Variants in RETREG1 observed in about 807,000 individuals in gnomAD.
The protein encoded by RETREG1 is reticulophagy regulator 1, also known as family with sequence similarity 134 member B.
In RETREG1, 44 loss-of-function variants were observed where a neutral mutation model predicts 54.8. The ratio of observed to expected loss-of-function variants is 0.80; its 90% CI spans 0.63 to 1.03. The LOEUF (loss-of-function observed/expected upper bound fraction) is 1.03. Among genes scored for constraint, RETREG1 ranks in the 50% least tolerant of loss-of-function variants. The probability of loss-of-function intolerance (pLI) is 0.00; values close to 1 mark genes in which losing one functional copy is unlikely to be tolerated. For synonymous variants in RETREG1, 217 were observed against 238.5 expected, an observed-to-expected ratio of 0.91 and a Z score of 0.83; for missense variants, 554 against 605.1, an observed-to-expected ratio of 0.92 and a Z score of 0.89.
chr5:16,547,221 G>A (rs1741414031), intron 3 of RETREG1, among the ~76,000 whole-genome samples: 1 of 152,204 alleles, frequency 6.6e-6, no homozygotes, highest in South Asian at 2.1e-4. Flanking sequence ...CCGACAGGGT[G>A]ACTGTGGAAA....
intron 3 of RETREG1, among the ~76,000 whole-genome samples, chr5:16,545,265 C>T (rs1741354193): frequency 6.6e-6 from 1 of 152,176 alleles, no homozygotes; most frequent in Non-Finnish European, 1.5e-5. Context: ...AATTCCTAAC[C>T]ATACCTTTAT....
chr5:16,537,163 A>C (rs1741097627), intron 3 of RETREG1, among the ~76,000 whole-genome samples: 1 of 152,238 alleles, frequency 6.6e-6, no homozygotes, highest in Non-Finnish European at 1.5e-5. Context: ...CACCAAGCAC[A>C]TAATAGGTTT....
intron 3 of RETREG1, among the ~76,000 whole-genome samples, chr5:16,509,713 G>GT (rs1235245254): frequency 2.0e-4 from 31 of 152,158 alleles, no homozygotes; most frequent in African/African-American, 7.0e-4. Context: ...TTCAAAATGT[G>GT]TTGCCAGGTG....
At chr5:16,519,944 G>A (rs950244761) in intron 3 of RETREG1, among the ~76,000 whole-genome samples, 3 of 152,220 alleles carry the variant, frequency 2.0e-5, no homozygotes, top group Admixed American at 2.0e-4. Flanking sequence ...ACTTTGGCCA[G>A]CGAGAGCTTC....
intron 1 of RETREG1, among the ~76,000 whole-genome samples, chr5:16,572,397 G>A (rs1284075461): frequency 6.6e-6 from 1 of 151,992 alleles, no homozygotes; most frequent in Non-Finnish European, 1.5e-5. Flanking sequence ...ATTTTTAGTA[G>A]AGACAGGGTT....
At position 16,616,951 on chromosome 5, in the gene RETREG1, C is replaced by G; in HGVS notation, c.21G>C (p.Pro7=). ...CCGGGCATCCCTCCTCGGCGTGCTC[C>G]GGAGGCGCCGGGCTCGCCATCTTCA... MASPAP[P]EHAEEGCPAP... The change falls in exon 1 of 9, where the codon CCG becomes CCC. Residue 7 remains proline (P), a synonymous_variant. Transcript: ENST00000306320. The G allele has an allele frequency of 6.9e-7, 1 of 1,444,378 alleles. No homozygotes were observed. Among genetic ancestry groups the G allele is most frequent in the Non-Finnish European group, 9.1e-7 (1 of 1,103,606 alleles). 89.5% of individuals were successfully genotyped at this position (1,444,378 alleles called of 1,614,324 possible). A position where few individuals can be genotyped will look rare whatever the true frequency, so the allele number is the denominator to read the frequency against.
At chr5:16,514,829 A>G (rs1366056131) in intron 3 of RETREG1, among the ~76,000 whole-genome samples, 2 of 151,418 alleles carry the variant, frequency 1.3e-5, no homozygotes, top group African/African-American at 4.8e-5. Flanking sequence ...AACGGTCTCC[A>G]ACTCCATCCA....
chr5:16,545,149 C>T (rs983794532), intron 3 of RETREG1, among the ~76,000 whole-genome samples: 1 of 152,208 alleles, frequency 6.6e-6, no homozygotes, highest in African/African-American at 2.4e-5. Context: ...ATCAGGGCTA[C>T]TTCCAGCTCG....
intron 3 of RETREG1, among the ~76,000 whole-genome samples, chr5:16,516,414 A>C (rs1740356994): frequency 6.6e-6 from 1 of 152,218 alleles, no homozygotes; most frequent in Non-Finnish European, 1.5e-5. Flanking sequence ...CTTTCTAAAA[A>C]TGTTGTCTGT....
chr5:16,599,951 G>T (rs1355638185), intron 1 of RETREG1, among the ~76,000 whole-genome samples: 1 of 152,162 alleles, frequency 6.6e-6, no homozygotes, highest in Non-Finnish European at 1.5e-5. Flanking sequence ...GCCCCCAAAA[G>T]CACGTCCCCC....
chr5:16,498,645 G>A (rs767572183), intron 3 of RETREG1, among the ~76,000 whole-genome samples: 7 of 152,100 alleles, frequency 4.6e-5, no homozygotes, highest in South Asian at 2.1e-4. Flanking sequence ...CCAGGAGGTC[G>A]AGGCTGCAGT....
intron 3 of RETREG1, among the ~76,000 whole-genome samples, chr5:16,492,229 T>TCACA (rs879805653): frequency 1.1e-3 from 120 of 110,600 alleles, no homozygotes; most frequent in South Asian, 2.3e-3. Context: ...TCTCTCTCTC[T>TCACA]CACACACACA....
rs1738470048 is a variant in RETREG1 at position 16,475,045 on chromosome 5, G to C, written c.1190C>G (p.Thr397Ser). 6.2e-7 allele frequency: 1 copy of C among 1,613,802 alleles called. No individual in the cohort carries two copies. Among genetic ancestry groups the C allele is most frequent in the Non-Finnish European group, 8.5e-7 (1 of 1,179,928 alleles). Residue 397 changes from threonine (T) to serine (S), a missense_variant, in exon 9 of 9, where the codon ACC (threonine) becomes AGC (serine). Transcript: ENST00000306320. The stretch of plus-strand genomic sequence containing the variant: ...GGTTTGGTCACTGTTCAGAGGAAGG[G>C]TGAGACCAGCTGCTGATTGCGTCTC... ...SKETQSAAGL[T>S]LPLNSDQTFH...
intron 1 of RETREG1, among the ~76,000 whole-genome samples, chr5:16,573,857 G>T (rs1742258907): frequency 1.3e-5 from 2 of 148,426 alleles, no homozygotes; most frequent in Admixed American, 1.4e-4. Flanking sequence ...CAATTCTCCT[G>T]CCTCAGCCGC....
intron 1 of RETREG1, among the ~76,000 whole-genome samples, chr5:16,598,795 G>A (rs1194543483): frequency 1.3e-5 from 2 of 152,146 alleles, no homozygotes; most frequent in Non-Finnish European, 2.9e-5. Flanking sequence ...TACAGTTAAA[G>A]TTCAATGTCA....
intron 3 of RETREG1, among the ~76,000 whole-genome samples, chr5:16,503,342 C>T (rs901287646): frequency 6.6e-6 from 1 of 152,080 alleles, no homozygotes; most frequent in Admixed American, 6.6e-5. Flanking sequence ...GAGACATTTT[C>T]CATGACTATG....
intron 3 of RETREG1, among the ~76,000 whole-genome samples, chr5:16,547,456 C>T (rs994001547): frequency 3.3e-5 from 5 of 152,326 alleles, no homozygotes; most frequent in Admixed American, 6.5e-5. Context: ...CAACCATCTT[C>T]CCGCAGAGCC....
At position 16,521,867 on chromosome 5, in the gene RETREG1, T is replaced by A. The variant is rs142206047; in HGVS notation, c.459-38395A>T. 2.9e-4 allele frequency among the ~76,000 whole-genome samples: 44 copies of A among 152,346 alleles called. 2 individuals carry two copies. The East Asian group carries it at 7.5e-3, about 26-fold the overall frequency. On this transcript the variant is annotated intron_variant, in intron 3 of 8. Transcript: ENST00000306320. ...CCCAGTAGTTTTTGGAGAAGCCAAA[T>A]TGAAAGGGAGACTTTGCAGCTTGCA...
chr5:16,508,903 A>ACAGGC (rs2126564485), intron 3 of RETREG1: 1 of 1,255,648 alleles, frequency 8.0e-7, no homozygotes, highest in East Asian at 3.6e-5. Context: ...CAGTACTGTG[A>ACAGGC]CAGGCGGCTG....
Sources: allele counts gnomAD v4.1 joint callset (sites outside exome capture counted in the v4.1 genomes callset), GRCh38; gene constraint gnomAD v4.1.1; transcripts MANE v1.5; gene names NCBI Gene and HGNC (gene_info 2026-07-23, HGNC 2026-07-21).